RBFOX2: variants seen among roughly 807,000 people sequenced by gnomAD.
The protein encoded by RBFOX2 is RNA binding fox-1 homolog 2.
A neutral mutation model predicts 49.1 loss-of-function variants in RBFOX2; 10 were observed. The ratio of observed to expected loss-of-function variants is 0.20; its 90% confidence interval spans 0.13 to 0.35. RBFOX2 has a LOEUF of 0.35. Ranked by LOEUF, RBFOX2 falls within the 10% of genes least tolerant of loss-of-function variation. The pLI, the probability that RBFOX2 is intolerant of heterozygous loss-of-function variation, is 1.00. For synonymous variants in RBFOX2, 183 were observed against 187.4 expected, an observed-to-expected ratio of 0.98 and a Z score of 0.19; for missense variants, 323 against 486.9, an observed-to-expected ratio of 0.66 and a Z score of 3.17.
chr22:35,784,442 C>T (rs959025891), intron 2 of RBFOX2, among the ~76,000 whole-genome samples: 3 of 152,242 alleles, frequency 2.0e-5, no homozygotes, highest in Non-Finnish European at 4.4e-5. Flanking sequence ...CCTGGCACCT[C>T]ATGCCCGACA....
rs376715666 is a variant in RBFOX2, at chr22:36,013,181, G to C, written c.186+15059C>G. 1.2e-4 allele frequency among the ~76,000 whole-genome samples: 19 copies of C among 152,168 alleles called. No individual in the cohort carries two copies. In the East Asian group the frequency reaches 3.1e-3, roughly 25 times the overall value. ...CTCACCTACTTGGGAGGCTGAAGCAGAGGACTGCTTGAGCCCAGGAGTTCA... is the reference window on the plus strand; with the variant it reads ...CTCACCTACTTGGGAGGCTGAAGCACAGGACTGCTTGAGCCCAGGAGTTCA... On this transcript the variant is annotated intron_variant, in intron 1 of 13. Coordinates refer to the RBFOX2 transcript ENST00000438146.
chr22:36,028,045 C>A (rs942106543), intron 1 of RBFOX2, among the ~76,000 whole-genome samples, 195 bp downstream of exon 1: 5 of 152,140 alleles, frequency 3.3e-5, no homozygotes, highest in Non-Finnish European at 4.4e-5. Flanking sequence ...CCCTCTCGGG[C>A]ACACCAGGTT....
At chr22:35,804,749 A>AG (rs1262446517) in intron 2 of RBFOX2, among the ~76,000 whole-genome samples, 1 of 152,204 alleles carries the variant, frequency 6.6e-6, no homozygotes, top group Non-Finnish European at 1.5e-5. Context: ...CTAAAAAAAA[A>AG]TACTAAAAGA....
At chr22:35,787,376 A>G (rs189601048) in intron 2 of RBFOX2, among the ~76,000 whole-genome samples, 8 of 152,286 alleles carry the variant, frequency 5.3e-5, no homozygotes, top group African/African-American at 1.9e-4. Flanking sequence ...AGGTCAGGCT[A>G]TGCAGAGAAA....
At chr22:35,840,228 GGATA>G (rs991877210) in exon 1 of RBFOX2, 2 of 1,614,024 alleles carry the variant, frequency 1.2e-6, no homozygotes, top group Non-Finnish European at 1.7e-6. Context: ...TAAACCAAAC[GGATA>G]GATGATAAAC....
chr22:35,781,846 C>A, intron 2 of RBFOX2, 100 bp from the exon 4 acceptor site: 1 of 1,417,306 alleles, frequency 7.1e-7, no homozygotes, highest in Non-Finnish European at 9.7e-7. Flanking sequence ...TATGTTTAAG[C>A]AAAAATCACA....
At chr22:35,948,580 C>A (rs950128441) in intron 1 of RBFOX2, among the ~76,000 whole-genome samples, 10 of 151,922 alleles carry the variant, frequency 6.6e-5, no homozygotes, top group Non-Finnish European at 1.0e-4. Context: ...AGCTACCTGA[C>A]AGGCTGAAAT....
chr22:35,878,628 A>G (rs887243105), intron 1 of RBFOX2, among the ~76,000 whole-genome samples: 3 of 152,210 alleles, frequency 2.0e-5, no homozygotes, highest in Non-Finnish European at 4.4e-5. Context: ...TTTTGTAGAG[A>G]TAGGGTACCA....
At chr22:36,015,353 A>C (rs1244697054) in intron 1 of RBFOX2, among the ~76,000 whole-genome samples, 1 of 152,248 alleles carries the variant, frequency 6.6e-6, no homozygotes, top group African/African-American at 2.4e-5. Flanking sequence ...CAAGGTGTGC[A>C]TAGCATAAGA....
chr22:35,949,678 C>CT (rs2054698046), intron 1 of RBFOX2, among the ~76,000 whole-genome samples: 1 of 152,094 alleles, frequency 6.6e-6, no homozygotes, highest in African/African-American at 2.4e-5. Flanking sequence ...TCCTTTTCAT[C>CT]TTTTCATGTG....
At chr22:36,020,848 A>G (rs1294576415) in intron 1 of RBFOX2, among the ~76,000 whole-genome samples, 1 of 152,194 alleles carries the variant, frequency 6.6e-6, no homozygotes, top group Non-Finnish European at 1.5e-5. Flanking sequence ...CGATTCCTCA[A>G]GGATCTAGAA....
At chr22:35,892,023 C>G (rs1326342698) in intron 1 of RBFOX2, among the ~76,000 whole-genome samples, 4 of 152,164 alleles carry the variant, frequency 2.6e-5, no homozygotes, top group Non-Finnish European at 4.4e-5. Flanking sequence ...CAAAGATACC[C>G]TCAACGTGAT....
intron 1 of RBFOX2, among the ~76,000 whole-genome samples, chr22:35,861,183 T>TAC (rs2043052565): frequency 6.6e-6 from 1 of 152,200 alleles, no homozygotes; most frequent in Non-Finnish European, 1.5e-5. Flanking sequence ...ATGGACCACA[T>TAC]ACCTAAAAAT....
At chr22:35,905,237 T>A (rs1489482155) in intron 1 of RBFOX2, among the ~76,000 whole-genome samples, 2 of 152,026 alleles carry the variant, frequency 1.3e-5, no homozygotes, top group African/African-American at 4.8e-5. Context: ...AAAGGAATAT[T>A]ATGTTAGAGG....
At chr22:35,945,454 T>C (rs1432045257) in intron 1 of RBFOX2, among the ~76,000 whole-genome samples, 1 of 152,068 alleles carries the variant, frequency 6.6e-6, no homozygotes, top group Non-Finnish European at 1.5e-5. Flanking sequence ...TATACCTTTT[T>C]TTTGAGGGTC....
At chr22:35,823,901 G>A (rs1324783589) in intron 1 of RBFOX2, among the ~76,000 whole-genome samples, 3 of 152,166 alleles carry the variant, frequency 2.0e-5, no homozygotes, top group Non-Finnish European at 1.5e-5. Context: ...TGTAATCCCA[G>A]CACTGTGGAA....
upstream of RBFOX2, among the ~76,000 whole-genome samples, chr22:35,966,554 C>T (rs1299400155): frequency 1.3e-5 from 2 of 152,088 alleles, no homozygotes; most frequent in East Asian, 1.9e-4. Flanking sequence ...AATATCTCAT[C>T]GTGGTTATTT....
chr22:35,771,676 T>C (rs1942715974), intron 4 of RBFOX2, among the ~76,000 whole-genome samples: 1 of 152,206 alleles, frequency 6.6e-6, no homozygotes, highest in Non-Finnish European at 1.5e-5. Flanking sequence ...GTTTAAACTT[T>C]AAACAGGTGA....
chr22:36,015,867 A>T (rs2059014693), intron 1 of RBFOX2, among the ~76,000 whole-genome samples: 1 of 152,246 alleles, frequency 6.6e-6, no homozygotes, highest in Admixed American at 6.5e-5. Flanking sequence ...AAAAGAAAGA[A>T]AAAGGGAGAA....
Sources: gnomAD v4.1 joint callset for allele counts (sites outside exome capture counted in the v4.1 genomes callset) on GRCh38, gnomAD v4.1.1 for gene constraint, MANE v1.5 for transcripts, NCBI Gene and HGNC (gene_info 2026-07-23, HGNC 2026-07-21) for gene names.